MORC1: variants seen among roughly 807,000 people sequenced by gnomAD.
MORC1 encodes MORC family CW-type zinc finger protein 1.
MORC1 carries 59 observed loss-of-function variants against 134.9 expected under a neutral mutation model. The observed-to-expected ratio is 0.44, with a 90% CI of 0.35 to 0.54. The LOEUF (loss-of-function observed/expected upper bound fraction) is 0.54, where lower values mean the gene tolerates loss of function less well. Ranked by LOEUF, MORC1 falls within the 20% of genes least tolerant of loss-of-function variation. The pLI, the probability that MORC1 is intolerant of heterozygous loss-of-function variation, is 0.00. For synonymous variants in MORC1, 395 were observed against 391.7 expected (o/e 1.01, Z -0.10); for missense variants, 947 against 1,134.5 (o/e 0.83, Z 2.37).
At chr3:108,991,844 C>T (rs768821308) in intron 21 of MORC1, among the ~76,000 whole-genome samples, 1 of 152,120 alleles carries the variant, frequency 6.6e-6, no homozygotes, top group Non-Finnish European at 1.5e-5. Flanking sequence ...TCCAGATTGC[C>T]ATCTCAGAAC....
At chr3:109,064,584 GAA>G (rs34427045) in intron 9 of MORC1, among the ~76,000 whole-genome samples, 1 of 148,576 alleles carries the variant, frequency 6.7e-6, no homozygotes, top group African/African-American at 2.5e-5. Flanking sequence ...AATTTAAGTT[GAA>G]AAAAAAACAC....
intron 21 of MORC1, among the ~76,000 whole-genome samples, chr3:108,995,431 G>A (rs986655337): frequency 6.6e-6 from 1 of 152,146 alleles, no homozygotes; most frequent in Non-Finnish European, 1.5e-5. Flanking sequence ...TAAAAAACAG[G>A]GCAGGACATG....
chr3:109,020,118 G>T (rs1288107168), intron 17 of MORC1, among the ~76,000 whole-genome samples: 1 of 152,056 alleles, frequency 6.6e-6, no homozygotes, highest in East Asian at 1.9e-4. Context: ...TTTTAAAAGG[G>T]ATCCCAAAAA....
intron 10 of MORC1, among the ~76,000 whole-genome samples, chr3:109,062,923 G>A (rs1234563791): frequency 6.6e-6 from 1 of 152,050 alleles, no homozygotes; most frequent in Admixed American, 6.5e-5. Flanking sequence ...TATCAATCTA[G>A]TTTGAAGTGT....
chr3:109,059,987 G>A, intron 11 of MORC1, 117 bp from the exon 12 acceptor site: 1 of 733,904 alleles, frequency 1.4e-6, no homozygotes. Flanking sequence ...ATTACCTAAT[G>A]CAATTCTACC....
chr3:109,049,655 TAAGAAAA>T (rs1245567530), intron 14 of MORC1, among the ~76,000 whole-genome samples: 1 of 151,898 alleles, frequency 6.6e-6, no homozygotes, highest in Non-Finnish European at 1.5e-5. Flanking sequence ...CTGGAAAAAA[TAAGAAAA>T]GAGAGGTATG....
chr3:109,065,712 A>G (rs1950180625), intron 9 of MORC1, among the ~76,000 whole-genome samples: 1 of 152,062 alleles, frequency 6.6e-6, no homozygotes, highest in Non-Finnish European at 1.5e-5. Context: ...AGACACACAC[A>G]CTCATATGTT....
At chr3:109,106,212 C>G (rs4855692) in intron 3 of MORC1, among the ~76,000 whole-genome samples, 134,090 of 152,254 alleles carry the variant, frequency 0.88, 59,121 homozygotes, top group East Asian at 0.93. Flanking sequence ...TGCAAAACCA[C>G]GTTCAGCCTC....
chr3:108,987,554 T>C (rs912370202), intron 21 of MORC1, among the ~76,000 whole-genome samples: 3 of 152,054 alleles, frequency 2.0e-5, no homozygotes, highest in Non-Finnish European at 4.4e-5. Context: ...GTGTTGATTG[T>C]TGGAGCCAGG....
chr3:109,096,153 T>C (rs940916827), intron 6 of MORC1, among the ~76,000 whole-genome samples: 15 of 152,074 alleles, frequency 9.9e-5, no homozygotes, highest in African/African-American at 2.9e-4. Context: ...AAAAGAAACA[T>C]TCAGAGAATA....
rs771735378 is a variant in MORC1, at chr3:109,007,037, C to T, written c.1759G>A (p.Ala587Thr). The change falls in exon 18 of 28, where the codon GCA becomes ACA. Residue 587 changes from alanine to threonine, a missense_variant. This residue lies in a region of MORC1 where 722 missense variants were observed against 817.0 expected (regional missense o/e 0.88). Coordinates refer to ENST00000232603, the MANE Select transcript of MORC1 (RefSeq NM_014429.4). ...ITVTSTCLTS[A>T]HKENTKTQKI... is the part of the protein sequence containing the mutation. ...CTATATTAATTACTCACCTTATGTG[C>T]TGAAGTTAGGCAGGTGGAAGTGACA... 1.7e-5 allele frequency: 28 copies of T among 1,611,534 alleles called. 1 individual carries two copies. The South Asian group carries it at 3.1e-4, about 18-fold the overall frequency.
intron 8 of MORC1, among the ~76,000 whole-genome samples, chr3:109,075,058 C>A (rs1248884641): frequency 6.6e-6 from 1 of 152,144 alleles, no homozygotes; most frequent in Non-Finnish European, 1.5e-5. Flanking sequence ...GAACTGAATT[C>A]AAAGATCTGA....
At chr3:109,015,342 A>C (rs943791704) in intron 17 of MORC1, among the ~76,000 whole-genome samples, 3 of 152,204 alleles carry the variant, frequency 2.0e-5, no homozygotes, top group Non-Finnish European at 4.4e-5. Context: ...TTTCTACCTT[A>C]GATCTATACC....
intron 8 of MORC1, 121 bp downstream of exon 8, chr3:109,093,315 G>C (rs1399136730): frequency 1.5e-6 from 1 of 678,158 alleles, no homozygotes; most frequent in Admixed American, 2.7e-5. Context: ...CTAGTAACTA[G>C]GGTAAGATGA....
Position 109,078,078 on chromosome 3 carries a change from T to C in MORC1, c.690-8321A>G, listed in dbSNP as rs139161190. Among the ~76,000 whole-genome samples the C allele has an allele frequency of 5.7e-3, 868 of 151,806 alleles. 19 individuals are homozygous for C. Among genetic ancestry groups the C allele is most frequent in the African/African-American group, 0.02 (830 of 41,428 alleles). ...GTCACAATCTAATGACTCAGACAAA[T>C]AGATAACAAAAACTAGTAGAAATAC... On this transcript the variant is annotated intron_variant, in intron 8 of 27. Coordinates refer to ENST00000232603, the MANE Select transcript of MORC1 (RefSeq NM_014429.4).
At chr3:109,049,753 G>A (rs1007128354) in intron 14 of MORC1, among the ~76,000 whole-genome samples, 17 of 152,002 alleles carry the variant, frequency 1.1e-4, no homozygotes, top group Admixed American at 1.3e-4. Flanking sequence ...ATGTGTTTAC[G>A]GAGAGTTCAC....
At chr3:109,007,870 G>A (rs955064399) in intron 17 of MORC1, among the ~76,000 whole-genome samples, 3 of 151,996 alleles carry the variant, frequency 2.0e-5, no homozygotes, top group Non-Finnish European at 4.4e-5. Context: ...ATTAATATGT[G>A]ACCACTGATA....
intron 21 of MORC1, among the ~76,000 whole-genome samples, chr3:109,000,029 A>G (rs1274525796): frequency 6.6e-6 from 1 of 152,188 alleles, no homozygotes; most frequent in African/African-American, 2.4e-5. Flanking sequence ...ACTCGATTCT[A>G]CAGAAGCCCA....
At chr3:109,108,929 T>A (rs962058187) in intron 3 of MORC1, among the ~76,000 whole-genome samples, 4 of 151,174 alleles carry the variant, frequency 2.6e-5, no homozygotes, top group Non-Finnish European at 4.4e-5. Flanking sequence ...ACCACATGTC[T>A]ACTTAGAAAA....
Sources: allele counts gnomAD v4.1 joint callset (sites outside exome capture counted in the v4.1 genomes callset), GRCh38; gene constraint gnomAD v4.1.1; regional missense constraint gnomAD v4.1.1; transcripts MANE v1.5; gene names NCBI Gene and HGNC (gene_info 2026-07-23, HGNC 2026-07-21).